The following GRID1 variants were observed in gnomAD, a reference collection of about 807,000 sequenced individuals.
GRID1 encodes glutamate receptor ionotropic, delta-1.
In GRID1, 28 loss-of-function variants were observed where a neutral mutation model predicts 98.0. The observed-to-expected ratio is 0.29, with a 90% CI of 0.21 to 0.39. The LOEUF (loss-of-function observed/expected upper bound fraction) is 0.39. GRID1 is among the 10% of genes least tolerant of loss of function. The pLI is 1.00. For synonymous variants in GRID1, 553 were observed against 538.5 expected (o/e 1.03, Z -0.37); for missense variants, 1,111 against 1,340.5 (o/e 0.83, Z 2.67).
At chr10:85,974,024 C>T (rs1842440336) in intron 4 of GRID1, among the ~76,000 whole-genome samples, 1 of 152,178 alleles carries the variant, frequency 6.6e-6, no homozygotes, top group Non-Finnish European at 1.5e-5. Context: ...CCACACGTCC[C>T]ATTCTTGGGC....
intron 5 of GRID1, among the ~76,000 whole-genome samples, chr10:85,909,514 G>T (rs951931737): frequency 1.3e-5 from 2 of 152,134 alleles, no homozygotes; most frequent in Admixed American, 1.3e-4. Context: ...ATCAACAGCG[G>T]AACAGATAAT....
chr10:85,721,323 T>A (rs1269958085), intron 12 of GRID1, among the ~76,000 whole-genome samples: 1 of 152,190 alleles, frequency 6.6e-6, no homozygotes, highest in African/African-American at 2.4e-5. Flanking sequence ...TGCCATATGA[T>A]CCAGCAATTG....
intron 5 of GRID1, among the ~76,000 whole-genome samples, chr10:85,870,615 T>C (rs1042939149): frequency 6.6e-6 from 1 of 152,194 alleles, no homozygotes; most frequent in African/African-American, 2.4e-5. Flanking sequence ...CAGGGCACAG[T>C]TGCAGTTGAG....
chr10:86,010,755 T>C (rs1280960390), intron 4 of GRID1, among the ~76,000 whole-genome samples: 1 of 150,462 alleles, frequency 6.6e-6, no homozygotes, highest in Non-Finnish European at 1.5e-5. Flanking sequence ...GAGGAAGAGG[T>C]TGCAGAGAGC....
chr10:85,997,761 T>C (rs1192367475), intron 4 of GRID1, among the ~76,000 whole-genome samples: 1 of 151,874 alleles, frequency 6.6e-6, no homozygotes, highest in African/African-American at 2.4e-5. Flanking sequence ...AACATATCGA[T>C]CAAAAATTGA....
chr10:86,263,074 C>G (rs543803783), intron 2 of GRID1, among the ~76,000 whole-genome samples: 120 of 152,302 alleles, frequency 7.9e-4, no homozygotes, highest in African/African-American at 2.8e-3. Flanking sequence ...ATGCTCTGTT[C>G]GCGGGCCCGG....
In GRID1 at chr10:86,099,418, A is replaced by C. The variant is rs373064176; in HGVS notation, c.726+39401T>G. ...TCTGGCAGAGAAAACAGACGAACAC[A>C]CCACTACAAGAAAATCATCATGGCA... On this transcript the variant is annotated intron_variant, in intron 4 of 15. Transcript: ENST00000327946. 4.1e-4 allele frequency among the ~76,000 whole-genome samples: 62 copies of C among 152,310 alleles called. 1 individual carries two copies. The East Asian group carries it at 5.8e-3, about 14-fold the overall frequency.
chr10:85,944,983 G>C (rs978894690), intron 4 of GRID1, among the ~76,000 whole-genome samples: 2 of 152,212 alleles, frequency 1.3e-5, no homozygotes, highest in African/African-American at 4.8e-5. Context: ...CTAAAGACAT[G>C]GAAATAATGG....
intron 2 of GRID1, among the ~76,000 whole-genome samples, chr10:86,333,730 G>A (rs1267793573): frequency 6.6e-6 from 1 of 152,148 alleles, no homozygotes; most frequent in Non-Finnish European, 1.5e-5. Flanking sequence ...CTAGAGAAAA[G>A]AATCATAAGG....
At chr10:85,633,396 T>G (rs1451229092) in intron 13 of GRID1, among the ~76,000 whole-genome samples, 1 of 152,216 alleles carries the variant, frequency 6.6e-6, no homozygotes. Flanking sequence ...CCATTCACTA[T>G]GCTATGTTGC....
chr10:85,740,667 G>A (rs1357948164), intron 8 of GRID1, among the ~76,000 whole-genome samples: 1 of 152,020 alleles, frequency 6.6e-6, no homozygotes, highest in African/African-American at 2.4e-5. Flanking sequence ...TCCCTTGGGT[G>A]AGCCCATGAT....
intron 14 of GRID1, among the ~76,000 whole-genome samples, chr10:85,614,094 A>G (rs1842762974): frequency 6.6e-6 from 1 of 152,230 alleles, no homozygotes. Flanking sequence ...ACTGGGATTC[A>G]CCAAATTATT....
Position 85,686,020 on chromosome 10 carries a change from C to T in GRID1, c.1997+36983G>A, listed in dbSNP as rs928462154. On this transcript the variant is annotated intron_variant, in intron 12 of 15. Transcript: ENST00000327946. The stretch of plus-strand genomic sequence containing the variant: ...CCATCGCATAAAGGTGCCAATTATC[C>T]CCAAGTCTATTTTGATCTTGTTTAT... Among the ~76,000 whole-genome samples, 4 of 151,794 alleles carry T rather than the reference C, an allele frequency of 2.6e-5. No individual in the cohort carries two copies. The South Asian group carries it at 8.3e-4, about 32-fold the overall frequency.
chr10:85,700,820 G>T (rs1460241055), intron 12 of GRID1, among the ~76,000 whole-genome samples: 1 of 152,140 alleles, frequency 6.6e-6, no homozygotes, highest in East Asian at 1.9e-4. Flanking sequence ...TTAGATTTCA[G>T]TTCTCTTGGA....
chr10:86,139,229 A>G (rs1316259781), intron 3 of GRID1, among the ~76,000 whole-genome samples: 2 of 152,174 alleles, frequency 1.3e-5, no homozygotes, highest in Non-Finnish European at 2.9e-5. Context: ...GCCCTGGCTG[A>G]CTGTCTCCCC....
In GRID1 at chr10:85,945,442, T is replaced by C. The variant is rs1842043215; in HGVS notation, c.727-29203A>G. On this transcript the variant is annotated intron_variant, in intron 4 of 15. Coordinates refer to ENST00000327946, the MANE Select transcript of GRID1 (RefSeq NM_017551.3). ...CATTTATTTCAATACTTGATTTTAA[T>C]GGGTACTGTACTGTAGCTGAAAGTG... 7.3e-5 allele frequency among the ~76,000 whole-genome samples: 7 copies of C among 95,364 alleles called. No homozygotes were observed. The South Asian group carries it at 2.2e-3, about 30-fold the overall frequency. 62.6% of individuals were successfully genotyped at this position (95,364 alleles called of 152,430 possible).
intron 13 of GRID1, among the ~76,000 whole-genome samples, chr10:85,634,382 C>G (rs1028004675): frequency 2.0e-5 from 3 of 151,270 alleles, no homozygotes; most frequent in African/African-American, 7.3e-5. Context: ...AGTGAGGAGA[C>G]CTATCAGCTG....
intron 8 of GRID1, among the ~76,000 whole-genome samples, chr10:85,844,420 T>TACACACACACACAC (rs55706189): frequency 7.5e-6 from 1 of 133,740 alleles, no homozygotes. Context: ...TACAACTAAA[T>TACACACACACACAC]ACACACACAC....
intron 13 of GRID1, among the ~76,000 whole-genome samples, chr10:85,632,559 A>G (rs1842987386): frequency 6.6e-6 from 1 of 151,914 alleles, no homozygotes. Flanking sequence ...CTGTTAACAT[A>G]TACTTTTTAA....
Sources: allele counts gnomAD v4.1 joint callset (sites outside exome capture counted in the v4.1 genomes callset), GRCh38; gene constraint gnomAD v4.1.1; transcripts MANE v1.5; gene names NCBI Gene and HGNC (gene_info 2026-07-23, HGNC 2026-07-21).